Variants in IGHMBP2 observed in about 807,000 individuals in gnomAD.
The protein encoded by IGHMBP2 is immunoglobulin mu DNA binding protein 2, also known as DNA-binding protein SMUBP-2.
In IGHMBP2, 81 loss-of-function variants were observed where a neutral mutation model predicts 96.0. The ratio of observed to expected loss-of-function variants is 0.84; its 90% CI spans 0.71 to 1.01. The LOEUF (loss-of-function observed/expected upper bound fraction) is 1.01, where lower values mean the gene tolerates loss of function less well. IGHMBP2 is among the 50% of genes least tolerant of loss of function. IGHMBP2 has a pLI of 0.00. For missense variants in IGHMBP2, 1,227 were observed against 1,306.3 expected (o/e 0.94, Z 0.94); for synonymous variants, 557 against 548.9 (o/e 1.01, Z -0.21).
At chr11:68,918,911 C>T (rs528778413) in intron 7 of IGHMBP2, among the ~76,000 whole-genome samples, 21 of 152,202 alleles carry the variant, frequency 1.4e-4, no homozygotes, top group Middle Eastern at 3.4e-3. Context: ...TTTCTGTTTT[C>T]TTGGGCTTGT....
Position 68,937,051 on chromosome 11 carries a change from G to A in IGHMBP2, c.2571G>A (p.Gly857=), listed in dbSNP as rs1859573790. ...QPASKEQQAS[G]QQKLPEKKKK... The stretch of plus-strand genomic sequence containing the variant: ...CCAGCAAGGAGCAGCAGGCCTCAGG[G>A]CAGCAGAAACTTCCAGAAAAGAAAA... The change falls in exon 13 of 15, where the codon GGG becomes GGA. Residue 857 remains glycine, a synonymous_variant. Coordinates refer to ENST00000255078, the MANE Select transcript of IGHMBP2 (RefSeq NM_002180.3). 1.2e-6 allele frequency: 2 copies of A among 1,605,236 alleles called. No homozygotes were observed. The highest frequency in any genetic ancestry group is 2.2e-5 in the East Asian group (1 of 44,882).
chr11:68,909,467 A>G (rs1390946859), intron 4 of IGHMBP2, among the ~76,000 whole-genome samples: 1 of 152,176 alleles, frequency 6.6e-6, no homozygotes. Flanking sequence ...GGCATGAGCT[A>G]CCGTGCCTAG....
rs968397154 is a variant in IGHMBP2 at position 68,929,807 on chromosome 11, G to A, written c.1235+450G>A. On this transcript the variant is annotated intron_variant, in intron 8 of 14. Coordinates refer to ENST00000255078, the MANE Select transcript of IGHMBP2 (RefSeq NM_002180.3). ...TCAGCAAACCATGGTTCTGCCGTGC[G>A]GAGACACCGGAGCCCTGATGCAGTG... 1.1e-4 allele frequency: 104 copies of A among 985,276 alleles called. No individual in the cohort carries two copies. Among genetic ancestry groups the A allele is most frequent in the Non-Finnish European group, 1.1e-4 (89 of 829,902 alleles). 61.0% of individuals were successfully genotyped at this position (985,276 alleles called of 1,614,324 possible).
intron 5 of IGHMBP2, among the ~76,000 whole-genome samples, chr11:68,913,058 A>AAAAAAAC (rs1858503375): frequency 4.0e-5 from 6 of 150,212 alleles, no homozygotes; most frequent in African/African-American, 1.2e-4. Context: ...AAAAAAAAAA[A>AAAAAAAC]AAAAAAAAAA....
rs1357948404 is a variant in IGHMBP2, at chr11:68,908,646, GTTTTCTTTTTTGGTTGAAATCACTACTGA to G, written c.547+16_547+44del. 1.3e-6 allele frequency: 2 copies of G among 1,583,098 alleles called. No individual in the cohort carries two copies. The highest frequency in any genetic ancestry group is 2.7e-5 in the African/African-American group (2 of 74,270). On this transcript the variant is annotated intron_variant, in intron 4 of 14. Transcript: ENST00000255078. Reference sequence around the variant, plus strand: ...CAGTGAAATACGTAAGAACTTCTGAGTTTTCTTTTTTGGTTGAAATCACTACTGAAAGTATAGAGAACAGTGTGACCTTG... The same window carrying G: ...CAGTGAAATACGTAAGAACTTCTGAGAAGTATAGAGAACAGTGTGACCTTG...
chr11:68,916,391 T>C (rs1594429875), intron 6 of IGHMBP2, among the ~76,000 whole-genome samples: 1 of 152,010 alleles, frequency 6.6e-6, no homozygotes, highest in Non-Finnish European at 1.5e-5. Context: ...GAGGGCCTTT[T>C]CCCCCCAGCC....
chr11:68,917,744 C>T lies in IGHMBP2; in HGVS notation c.921C>T (p.Asn307=). The T allele has an allele frequency of 6.2e-7, 1 of 1,611,716 alleles. No individual in the cohort carries two copies. Among genetic ancestry groups the T allele is most frequent in the Non-Finnish European group, 8.5e-7 (1 of 1,178,314 alleles). The part of the protein sequence containing the change: ...RKDIDQVFVK[N]KKTQDKREKS... ...TTTGTTTTTCTTTATAGGTGAAAAA[C>T]AAAAAGACCCAGGATAAGAGAGAGA... is the stretch of plus-strand genomic sequence containing the variant. The change falls in exon 7 of 15, where the codon AAC becomes AAT. Residue 307 remains asparagine, a synonymous_variant. Coordinates refer to ENST00000255078, the MANE Select transcript of IGHMBP2 (RefSeq NM_002180.3).
chr11:68,937,521 A>G (rs928009815), intron 13 of IGHMBP2, among the ~76,000 whole-genome samples: 20 of 152,362 alleles, frequency 1.3e-4, no homozygotes, highest in African/African-American at 4.6e-4. Context: ...TCAGAACCAC[A>G]GGGGCTGGCT....
chr11:68,910,454 T>A (rs1858385086), intron 4 of IGHMBP2, among the ~76,000 whole-genome samples: 1 of 152,166 alleles, frequency 6.6e-6, no homozygotes, highest in African/African-American at 2.4e-5. Context: ...GTCTCACAAG[T>A]CAGGGTCAGC....
chr11:68,921,624 G>A (rs1858881044), intron 7 of IGHMBP2, among the ~76,000 whole-genome samples: 1 of 152,144 alleles, frequency 6.6e-6, no homozygotes, highest in African/African-American at 2.4e-5. Context: ...TACAATGCTT[G>A]TTCTTGTTTT....
At chr11:68,918,334 A>G (rs930306864) in intron 7 of IGHMBP2, among the ~76,000 whole-genome samples, 9 of 150,876 alleles carry the variant, frequency 6.0e-5, no homozygotes, top group African/African-American at 2.0e-4. Context: ...ATATACATAC[A>G]TATATATTTT....
intron 5 of IGHMBP2, 62 bp from the exon 6 acceptor site, chr11:68,914,761 A>T (rs2154007197): frequency 6.5e-7 from 1 of 1,542,808 alleles, no homozygotes; most frequent in Non-Finnish European, 9.0e-7. Context: ...TTGTTGTTTT[A>T]GTGTCAACTT....
At chr11:68,909,923 T>A (rs556267843) in intron 4 of IGHMBP2, among the ~76,000 whole-genome samples, 2 of 152,356 alleles carry the variant, frequency 1.3e-5, no homozygotes, top group African/African-American at 4.8e-5. Flanking sequence ...TGAGCCACCG[T>A]GCCCGGTCTG....
Position 68,904,010 on chromosome 11 carries a change from G to C in IGHMBP2, c.58G>C (p.Glu20Gln), listed in dbSNP as rs774019567. 1 of 1,549,994 alleles carries C rather than the reference G, an allele frequency of 6.5e-7. No homozygotes were observed. Among genetic ancestry groups the C allele is most frequent in the Non-Finnish European group, 8.7e-7 (1 of 1,146,620 alleles). The change falls in exon 1 of 15, where the codon GAG (glutamate) becomes CAG (glutamine). Residue 20 changes from glutamate to glutamine, a missense_variant. Physicochemically the swap from Glu to Gln is conservative, Grantham distance 29. Transcript: ENST00000255078. ...CAAGCAACTGGACCTGCTGGAGCTT[G>C]AGAGAGACGCGGAGGTGGAGGAGCG... ...VTKQLDLLEL[E>Q]RDAEVEERRS...
chr11:68,921,750 C>T (rs117511934), intron 7 of IGHMBP2, among the ~76,000 whole-genome samples: 4,087 of 152,236 alleles, frequency 0.027, 105 homozygotes, highest in Non-Finnish European at 0.04. Flanking sequence ...TGTATTTCCA[C>T]GTGGCATCAT....
rs776775995 is a variant in IGHMBP2, at chr11:68,936,306, C to A, written c.1826C>A (p.Ala609Glu). 4.3e-6 allele frequency: 7 copies of A among 1,614,044 alleles called. No homozygotes were observed. Among genetic ancestry groups the A allele is most frequent in the Non-Finnish European group, 5.1e-6 (6 of 1,180,008 alleles). Reference protein sequence around the residue: ...VAVTRARRHVAVICDSRTVNN... With the variant: ...VAVTRARRHVEVICDSRTVNN... Reference sequence around the variant, plus strand: ...GTCACCCGTGCCCGACGCCACGTGGCGGTCATCTGTGACTCCCGTACTGTC... The same window carrying A: ...GTCACCCGTGCCCGACGCCACGTGGAGGTCATCTGTGACTCCCGTACTGTC... The change falls in exon 13 of 15, where the codon GCG (alanine) becomes GAG (glutamate). Residue 609 changes from alanine to glutamate, a missense_variant. By Grantham distance (107) the Ala-to-Glu change is moderately radical. Transcript: ENST00000255078.
At position 68,915,005 on chromosome 11, in the gene IGHMBP2, G is replaced by A; in HGVS notation, c.894G>A (p.Lys298=). Residue 298 remains lysine, a synonymous_variant, in exon 6 of 15, where the codon AAG becomes AAA. Coordinates refer to ENST00000255078, the MANE Select transcript of IGHMBP2 (RefSeq NM_002180.3). ...DSAQIVADIR[K]DIDQVFVKNK... ...CCCAGATTGTTGCAGATATCAGGAA[G>A]GACATCGACCAGGTCTTTGTAGGTG... 1 of 1,614,066 alleles carries A rather than the reference G, an allele frequency of 6.2e-7. No individual in the cohort carries two copies. Among genetic ancestry groups the A allele is most frequent in the Non-Finnish European group, 8.5e-7 (1 of 1,179,994 alleles).
chr11:68,927,252 T>C (rs1175185952), intron 7 of IGHMBP2, among the ~76,000 whole-genome samples: 1 of 152,258 alleles, frequency 6.6e-6, no homozygotes, highest in African/African-American at 2.4e-5. Context: ...TAGTGACTTT[T>C]CTGGACTAAT....
In IGHMBP2 at chr11:68,939,495, C is replaced by A. The variant is rs181098758; in HGVS notation, c.2785-39C>A. On this transcript the variant is annotated intron_variant, in intron 14 of 14. Transcript: ENST00000255078. ...CAGAGCTGCAGGATCTGCCTCCTTG[C>A]CCCTGTGAGCCCAGCAGTGATTCTT... The A allele has an allele frequency of 7.2e-4, 1,158 of 1,606,948 alleles. 1 individual carries two copies. The African/African-American group carries it at 0.014, about 19-fold the overall frequency.
Sources: allele counts gnomAD v4.1 joint callset (sites outside exome capture counted in the v4.1 genomes callset), GRCh38; gene constraint gnomAD v4.1.1; transcripts MANE v1.5; gene names NCBI Gene and HGNC (gene_info 2026-07-23, HGNC 2026-07-21).